Variants in EFL1 observed in about 807,000 individuals in gnomAD.
EFL1 encodes the protein elongation factor like GTPase 1.
EFL1 carries 76 observed loss-of-function variants against 126.7 expected under a neutral mutation model. That is an observed-to-expected ratio of 0.60 (90% confidence interval 0.50 to 0.73). The LOEUF is 0.73. Ranked by LOEUF, EFL1 falls within the 30% of genes least tolerant of loss-of-function variation. EFL1 has a pLI of 0.00. For missense variants in EFL1, 1,128 were observed against 1,343.2 expected (o/e 0.84, Z 2.50); for synonymous variants, 410 against 448.4 (o/e 0.91, Z 1.08).
intron 18 of EFL1, among the ~76,000 whole-genome samples, chr15:82,145,597 C>T (rs1489528376): frequency 2.0e-5 from 3 of 151,834 alleles, no homozygotes; most frequent in East Asian, 1.9e-4. Flanking sequence ...TTTGGGAGGC[C>T]GAGCTGGGTG....
At chr15:82,251,290 T>G (rs973649675) in intron 4 of EFL1, among the ~76,000 whole-genome samples, 6 of 152,142 alleles carry the variant, frequency 3.9e-5, no homozygotes, top group Admixed American at 6.5e-5. Flanking sequence ...CTCGATAAAA[T>G]AGAGTTCAGA....
chr15:82,246,390 C>G (rs1054472033), intron 4 of EFL1, among the ~76,000 whole-genome samples: 1 of 152,092 alleles, frequency 6.6e-6, no homozygotes, highest in Admixed American at 6.5e-5. Flanking sequence ...TAGCATCACC[C>G]TGGAGAGAAG....
intron 15 of EFL1, among the ~76,000 whole-genome samples, chr15:82,189,144 C>T (rs1396632853): frequency 1.3e-5 from 2 of 152,046 alleles, no homozygotes; most frequent in Admixed American, 6.6e-5. Flanking sequence ...TGTTACTGTA[C>T]CGAGTACTAT....
chr15:82,222,464 T>C (rs2074721823), intron 12 of EFL1, among the ~76,000 whole-genome samples: 1 of 152,232 alleles, frequency 6.6e-6, no homozygotes, highest in Non-Finnish European at 1.5e-5. Context: ...AAAAGAAGTG[T>C]ATTTGTTCAC....
intron 16 of EFL1, among the ~76,000 whole-genome samples, chr15:82,158,836 T>C (rs2073993765): frequency 6.6e-6 from 1 of 152,226 alleles, no homozygotes; most frequent in Admixed American, 6.5e-5. Context: ...AGACAAGCAC[T>C]TTACATATAT....
At chr15:82,142,440 T>C (rs569227128) in intron 18 of EFL1, among the ~76,000 whole-genome samples, 1 of 152,124 alleles carries the variant, frequency 6.6e-6, no homozygotes, top group East Asian at 1.9e-4. Flanking sequence ...CAGTGGACTA[T>C]GATTGTGCCA....
chr15:82,221,926 C>A (rs189858440), intron 12 of EFL1, among the ~76,000 whole-genome samples: 40 of 152,328 alleles, frequency 2.6e-4, no homozygotes, highest in African/African-American at 9.6e-4. Context: ...TTCATGCCTT[C>A]CCCACCTTCC....
At position 82,249,779 on chromosome 15, in the gene EFL1, T is replaced by A. The variant is rs138274805; in HGVS notation, c.244+2912A>T. Among the ~76,000 whole-genome samples, 20 of 152,246 alleles carry A rather than the reference T, an allele frequency of 1.3e-4. No individual in the cohort carries two copies. The East Asian group carries it at 3.3e-3, about 25-fold the overall frequency. ...TCACAAACGTAAAGATAATAGAGGTTCCATTTTCTCAAAGAAAAATTAGGT... is the reference window on the plus strand; with the variant it reads ...TCACAAACGTAAAGATAATAGAGGTACCATTTTCTCAAAGAAAAATTAGGT... On this transcript the variant is annotated intron_variant, in intron 4 of 19. Transcript: ENST00000268206.
At chr15:82,211,875 TTCC>T (rs1162330503) in intron 15 of EFL1, among the ~76,000 whole-genome samples, 1 of 152,180 alleles carries the variant, frequency 6.6e-6, no homozygotes, top group African/African-American at 2.4e-5. Flanking sequence ...ACATTTACTC[TTCC>T]TCCTAATAAA....
At chr15:82,258,354 T>G (rs1462701219) in intron 3 of EFL1, among the ~76,000 whole-genome samples, 1 of 151,644 alleles carries the variant, frequency 6.6e-6, no homozygotes, top group Non-Finnish European at 1.5e-5. Flanking sequence ...AGCCCAGGAG[T>G]TCAAGATCAG....
intron 18 of EFL1, among the ~76,000 whole-genome samples, chr15:82,143,130 T>C (rs1465978136): frequency 2.0e-5 from 3 of 152,234 alleles, no homozygotes; most frequent in African/African-American, 7.2e-5. Context: ...ATGTTTTCTT[T>C]AACAGTAAAC....
chr15:82,218,298 A>C (rs2074672624), intron 14 of EFL1, among the ~76,000 whole-genome samples: 1 of 152,210 alleles, frequency 6.6e-6, no homozygotes, highest in Non-Finnish European at 1.5e-5. Context: ...GGTAGGTCTG[A>C]AATATTTCAG....
chr15:82,208,226 T>C (rs1439393327), intron 15 of EFL1, among the ~76,000 whole-genome samples: 1 of 152,200 alleles, frequency 6.6e-6, no homozygotes, highest in African/African-American at 2.4e-5. Flanking sequence ...AAGAATCAAG[T>C]ATTTTATGCA....
At chr15:82,177,938 T>C (rs1051000776) in intron 15 of EFL1, among the ~76,000 whole-genome samples, 1 of 152,168 alleles carries the variant, frequency 6.6e-6, no homozygotes, top group African/African-American at 2.4e-5. Context: ...ATGATTTCCA[T>C]AGTATGGAAT....
intron 15 of EFL1, among the ~76,000 whole-genome samples, chr15:82,185,840 T>C (rs1310896994): frequency 6.6e-6 from 1 of 152,194 alleles, no homozygotes; most frequent in Non-Finnish European, 1.5e-5. Context: ...CGTATTTGCA[T>C]ATGGAAATTA....
At chr15:82,192,963 C>A (rs2074374637) in intron 15 of EFL1, among the ~76,000 whole-genome samples, 1 of 152,128 alleles carries the variant, frequency 6.6e-6, no homozygotes, top group Non-Finnish European at 1.5e-5. Context: ...ACGGTTATGT[C>A]AGAGAAGTGG....
At chr15:82,208,634 T>G (rs28539162) in intron 15 of EFL1, among the ~76,000 whole-genome samples, 48,243 of 151,812 alleles carry the variant, frequency 0.32, 8,065 homozygotes, top group African/African-American at 0.4. Flanking sequence ...AATGATCGAG[T>G]GCTGTTTTTT....
chr15:82,162,450 C>T (rs2074033071), intron 16 of EFL1, among the ~76,000 whole-genome samples: 1 of 152,182 alleles, frequency 6.6e-6, no homozygotes, highest in Non-Finnish European at 1.5e-5. Flanking sequence ...TTAAATAAAA[C>T]TGAGCTTTCT....
intron 14 of EFL1, among the ~76,000 whole-genome samples, chr15:82,217,430 T>A (rs367543839): frequency 5.4e-5 from 6 of 110,220 alleles, no homozygotes; most frequent in South Asian, 5.6e-4. Flanking sequence ...CAAAACACTG[T>A]ATAAATAAAA....
Sources: gnomAD v4.1 joint callset for allele counts (sites outside exome capture counted in the v4.1 genomes callset) on GRCh38, gnomAD v4.1.1 for gene constraint, MANE v1.5 for transcripts, NCBI Gene and HGNC (gene_info 2026-07-23, HGNC 2026-07-21) for gene names.